Variants in TFDP2 observed in about 807,000 individuals in gnomAD.
TFDP2 encodes the protein transcription factor Dp-2.
A neutral mutation model predicts 59.3 loss-of-function variants in TFDP2; 17 were observed. That is an observed-to-expected ratio of 0.29 (90% CI 0.20 to 0.43). The LOEUF is 0.43. Ranked by LOEUF, TFDP2 falls within the 20% of genes least tolerant of loss-of-function variation. The pLI is 1.00. For missense variants in TFDP2, 391 were observed against 528.8 expected (o/e 0.74, Z 2.56); for synonymous variants, 180 against 194.7 (o/e 0.92, Z 0.63).
intron 3 of TFDP2, among the ~76,000 whole-genome samples, chr3:142,087,749 C>A (rs555405694): frequency 1.3e-5 from 2 of 152,240 alleles, no homozygotes; most frequent in South Asian, 2.1e-4. Flanking sequence ...CAATCCACCC[C>A]CCTTGGCCTC....
chr3:141,962,531 G>C (rs1036775345), intron 10 of TFDP2, among the ~76,000 whole-genome samples: 1 of 151,982 alleles, frequency 6.6e-6, no homozygotes, highest in Admixed American at 6.6e-5. Context: ...GCTAATTTTT[G>C]TATTTTTAGT....
At chr3:141,953,129 G>A in intron 11 of TFDP2, 113 bp from the exon 12 acceptor site, 1 of 660,560 alleles carries the variant, frequency 1.5e-6, no homozygotes, top group South Asian at 2.3e-5. Flanking sequence ...CTTCATGACA[G>A]CTAGACAATT....
intron 4 of TFDP2, chr3:142,000,113 GCTGTAACTGGGTGT>G: frequency 2.1e-6 from 1 of 477,708 alleles, no homozygotes. Flanking sequence ...GCGATAAATG[GCTGTAACTGGGTGT>G]CTTAGTCCAT....
At position 141,952,675 on chromosome 3, in the gene TFDP2, C is replaced by T. The variant is rs868661792; in HGVS notation, c.1179G>A (p.Leu393=). ...CAGTTGCTAAGGCCACTTCTGCATC[C>T]AAGCATAACCCTTGGTTTACACTAG... The part of the protein sequence containing the change: ...PQSSVNQGLC[L]DAEVALATGQ... The change falls in exon 13 of 13, where the codon TTG becomes TTA. Residue 393 remains leucine, a synonymous_variant. Transcript: ENST00000489671. 1 of 1,609,710 alleles carries T rather than the reference C, an allele frequency of 6.2e-7. No homozygotes were observed. Among genetic ancestry groups the T allele is most frequent in the Admixed American group, 1.7e-5 (1 of 58,304 alleles).
intron 1 of TFDP2, among the ~76,000 whole-genome samples, chr3:142,122,260 C>T (rs1444598591): frequency 6.6e-6 from 1 of 152,188 alleles, no homozygotes; most frequent in Non-Finnish European, 1.5e-5. Context: ...TTGGGTCCCA[C>T]ATAACGATAA....
At chr3:142,032,691 C>CATT (rs1402119739) in intron 3 of TFDP2, among the ~76,000 whole-genome samples, 1 of 152,186 alleles carries the variant, frequency 6.6e-6, no homozygotes, top group African/African-American at 2.4e-5. Context: ...TTGTTAAAGG[C>CATT]ATTAATATCA....
chr3:142,085,774 C>A (rs1316108544), intron 3 of TFDP2, among the ~76,000 whole-genome samples: 1 of 152,126 alleles, frequency 6.6e-6, no homozygotes, highest in East Asian at 1.9e-4. Context: ...GGAAGCTCCA[C>A]CCACATTAGC....
chr3:141,950,641 C>T lies in TFDP2; in HGVS notation c.*1872G>A, dbSNP rs956495810. 3 of 152,626 alleles carry T rather than the reference C, an allele frequency of 2.0e-5. No homozygotes were observed. The highest frequency in any genetic ancestry group is 7.2e-5 in the African/African-American group (3 of 41,426). 9.5% of individuals were successfully genotyped at this position (152,626 alleles called of 1,614,324 possible). On this transcript the variant is annotated 3_prime_UTR_variant, in exon 13 of 13. Transcript: ENST00000489671. ...AGGTAGCAGTGGCTGTTGGCCTCTC[C>T]AGGTCCCTGCTGGGTCCCAGAGATG...
intron 3 of TFDP2, among the ~76,000 whole-genome samples, chr3:142,046,564 C>T (rs993768631): frequency 3.7e-5 from 4 of 108,610 alleles, no homozygotes; most frequent in Non-Finnish European, 7.2e-5. Context: ...CTGGATGTTG[C>T]AGATAGCAGT....
chr3:142,144,907 C>T (rs1192069326), intron 1 of TFDP2, among the ~76,000 whole-genome samples: 1 of 152,208 alleles, frequency 6.6e-6, no homozygotes, highest in African/African-American at 2.4e-5. Flanking sequence ...ACATAAGGAC[C>T]AGAGACAGAA....
At chr3:142,069,905 G>A (rs2060189254) in intron 3 of TFDP2, among the ~76,000 whole-genome samples, 2 of 151,062 alleles carry the variant, frequency 1.3e-5, no homozygotes, top group Non-Finnish European at 3.0e-5. Context: ...CACCACGCCT[G>A]GCCTTTTTTC....
chr3:142,040,583 A>G (rs568276007), intron 3 of TFDP2, among the ~76,000 whole-genome samples: 5 of 152,296 alleles, frequency 3.3e-5, no homozygotes, highest in Admixed American at 2.6e-4. Context: ...AGGCATTGCC[A>G]CCATGCCCGG....
Position 141,978,445 on chromosome 3 carries a change from C to G in TFDP2, c.519+75G>C, listed in dbSNP as rs919590890. On this transcript the variant is annotated intron_variant, in intron 7 of 12. Coordinates refer to ENST00000489671, the MANE Select transcript of TFDP2 (RefSeq NM_001178139.2). ...ACCCTCAAGTATAGTCGTGATTCCT[C>G]AAATCTATAACAAAGATAACACAAA... 4.4e-5 allele frequency: 63 copies of G among 1,439,262 alleles called. 1 individual carries two copies. Among genetic ancestry groups the G allele is most frequent in the African/African-American group, 2.9e-5 (2 of 69,024 alleles). The allele number at this position is 1,439,262 out of a possible 1,614,324, so 89.2% of individuals were successfully genotyped here. A position where few individuals can be genotyped will look rare whatever the true frequency, so the allele number is the denominator to read the frequency against.
chr3:142,021,846 T>C (rs1438238368), intron 3 of TFDP2, among the ~76,000 whole-genome samples: 3 of 152,220 alleles, frequency 2.0e-5, no homozygotes, highest in Non-Finnish European at 2.9e-5. Context: ...CTAAGGTCAC[T>C]TGCAGGGCCC....
intron 1 of TFDP2, among the ~76,000 whole-genome samples, chr3:142,125,501 C>G (rs776356232): frequency 1.3e-5 from 2 of 151,972 alleles, no homozygotes; most frequent in African/African-American, 2.4e-5. Context: ...TACACACACA[C>G]GCACACACAC....
intron 4 of TFDP2, among the ~76,000 whole-genome samples, chr3:142,004,861 C>A (rs777200184): frequency 6.6e-6 from 1 of 152,040 alleles, no homozygotes; most frequent in South Asian, 2.1e-4. Context: ...TTAAACAATA[C>A]AAGAGAAACC....
At chr3:141,992,039 C>A (rs1942830184) in intron 6 of TFDP2, among the ~76,000 whole-genome samples, 1 of 92,478 alleles carries the variant, frequency 1.1e-5, no homozygotes. Flanking sequence ...AAGACTCCAT[C>A]TCAAAAAAAA....
chr3:142,062,394 A>AAT (rs146504746), intron 3 of TFDP2, among the ~76,000 whole-genome samples: 88,551 of 140,906 alleles, frequency 0.63, 27,280 homozygotes, highest in East Asian at 0.72. Flanking sequence ...TATATTATAT[A>AAT]ATATATATGT....
At chr3:142,073,680 G>A (rs1003807053) in intron 3 of TFDP2, among the ~76,000 whole-genome samples, 3 of 152,052 alleles carry the variant, frequency 2.0e-5, no homozygotes. Flanking sequence ...TTTTGCTTTT[G>A]TCTTGTTAAA....
Sources: gnomAD v4.1 joint callset for allele counts (sites outside exome capture counted in the v4.1 genomes callset) on GRCh38, gnomAD v4.1.1 for gene constraint, MANE v1.5 for transcripts, NCBI Gene and HGNC (gene_info 2026-07-23, HGNC 2026-07-21) for gene names.